THSD7A: variants seen among roughly 807,000 people sequenced by gnomAD.
THSD7A encodes the protein thrombospondin type-1 domain-containing protein 7A.
THSD7A carries 96 observed loss-of-function variants against 231.3 expected under a neutral mutation model. The ratio of observed to expected loss-of-function variants is 0.41; its 90% CI spans 0.35 to 0.49. THSD7A has a LOEUF of 0.49. Among genes scored for constraint, THSD7A ranks in the 20% least tolerant of loss-of-function variants. The probability of loss-of-function intolerance (pLI) is 0.05; values close to 1 mark genes in which losing one functional copy is unlikely to be tolerated. For synonymous variants in THSD7A, 940 were observed against 743.3 expected, an observed-to-expected ratio of 1.26 and a Z score of -4.30; for missense variants, 2,290 against 2,070.2, an observed-to-expected ratio of 1.11 and a Z score of -2.06.
intron 6 of THSD7A, among the ~76,000 whole-genome samples, chr7:11,503,511 G>T (rs1346376280): frequency 6.6e-6 from 1 of 150,988 alleles, no homozygotes; most frequent in Non-Finnish European, 1.5e-5. Context: ...TATCAGCAGA[G>T]TAAACAAAAA....
rs558069225 is a variant in THSD7A, at chr7:11,700,526, T to A, written c.191-63565A>T. On this transcript the variant is annotated intron_variant, in intron 1 of 27. Transcript: ENST00000423059. ...TCCAGTGAAAAAAATACTTAATATA[T>A]AACAAAATGACAGGATCTTTACATG... 7.9e-5 allele frequency among the ~76,000 whole-genome samples: 12 copies of A among 151,338 alleles called. No individual in the cohort carries two copies. The South Asian group carries it at 2.3e-3, about 29-fold the overall frequency.
At chr7:11,426,736 T>G in intron 14 of THSD7A, 65 bp from the exon 15 acceptor site, 1 of 1,482,838 alleles carries the variant, frequency 6.7e-7, no homozygotes, top group Non-Finnish European at 9.0e-7. Context: ...AATGTCAGTA[T>G]GCTATGAGAA....
chr7:11,642,843 G>T (rs970119848), intron 1 of THSD7A, among the ~76,000 whole-genome samples: 1 of 151,924 alleles, frequency 6.6e-6, no homozygotes, highest in Non-Finnish European at 1.5e-5. Flanking sequence ...CTATCCTCTT[G>T]ATATCGTTCA....
In THSD7A at chr7:11,426,737, G is replaced by A. The variant is rs77840993; in HGVS notation, c.3244-66C>T. ...ATAAGGTAGGTGAAAATGTCAGTAT[G>A]CTATGAGAAGAACACATGGTAAGTT... On this transcript the variant is annotated intron_variant, in intron 14 of 27. Transcript: ENST00000423059. The A allele has an allele frequency of 1.8e-3, 2,663 of 1,470,730 alleles. 72 individuals are homozygous for A. The East Asian group carries it at 0.054, about 30-fold the overall frequency. The allele number at this position is 1,470,730 out of a possible 1,614,324, so 91.1% of individuals were successfully genotyped here. A position where few individuals can be genotyped will look rare whatever the true frequency, so the allele number is the denominator to read the frequency against.
chr7:11,723,731 T>C (rs777167210), intron 1 of THSD7A, among the ~76,000 whole-genome samples: 8 of 151,854 alleles, frequency 5.3e-5, no homozygotes, highest in Non-Finnish European at 8.8e-5. Context: ...ATAGAGGAAA[T>C]AGCAAGTTCA....
rs1227041855 is a variant in THSD7A, at chr7:11,769,153, A to ATTTTTTTTTTTTTTTT, written c.190+62603_190+62604insAAAAAAAAAAAAAAAA. ...TATATATATATATATATATATATAT[A>ATTTTTTTTTTTTTTTT]TTTTTTTTTTTTTTTGGTATTTTTG... On this transcript the variant is annotated intron_variant, in intron 1 of 27. Coordinates refer to ENST00000423059, the MANE Select transcript of THSD7A (RefSeq NM_015204.3). Among the ~76,000 whole-genome samples, 60 of 27,640 alleles carry ATTTTTTTTTTTTTTTT rather than the reference A, an allele frequency of 2.2e-3. 4 individuals carry two copies. The highest frequency in any genetic ancestry group is 2.9e-3 in the Non-Finnish European group (41 of 14,376). 18.1% of individuals were successfully genotyped at this position (27,640 alleles called of 152,430 possible).
intron 1 of THSD7A, among the ~76,000 whole-genome samples, chr7:11,773,033 T>A (rs1000438432): frequency 2.0e-5 from 3 of 152,070 alleles, no homozygotes; most frequent in Non-Finnish European, 4.4e-5. Context: ...ATAATATTAA[T>A]GAAATAGAAT....
intron 16 of THSD7A, among the ~76,000 whole-genome samples, chr7:11,419,888 C>A (rs531267559): frequency 6.6e-6 from 1 of 152,252 alleles, no homozygotes; most frequent in African/African-American, 2.4e-5. Flanking sequence ...TGGCATTGTG[C>A]CCCTGCTCTA....
chr7:11,583,624 T>G (rs2128338495), intron 4 of THSD7A, among the ~76,000 whole-genome samples: 1 of 152,252 alleles, frequency 6.6e-6, no homozygotes, highest in Admixed American at 6.5e-5. Flanking sequence ...GAGTCTAATC[T>G]TACTGCTTGT....
At chr7:11,572,262 A>G (rs1356135495) in intron 4 of THSD7A, among the ~76,000 whole-genome samples, 3 of 152,116 alleles carry the variant, frequency 2.0e-5, no homozygotes, top group Admixed American at 6.5e-5. Flanking sequence ...ATCTATTTCT[A>G]TTGATTTGTC....
chr7:11,514,850 A>G (rs1325328929), intron 6 of THSD7A, among the ~76,000 whole-genome samples: 3 of 152,172 alleles, frequency 2.0e-5, no homozygotes, highest in Non-Finnish European at 4.4e-5. Context: ...GAAACATTTT[A>G]CTATGACTGC....
chr7:11,718,014 C>T (rs932015179), intron 1 of THSD7A, among the ~76,000 whole-genome samples: 1 of 151,584 alleles, frequency 6.6e-6, no homozygotes, highest in Non-Finnish European at 1.5e-5. Context: ...AAACTAATCT[C>T]TATGCACAAA....
chr7:11,704,380 G>A (rs898660277), intron 1 of THSD7A, among the ~76,000 whole-genome samples: 3 of 150,906 alleles, frequency 2.0e-5, no homozygotes, highest in Admixed American at 6.6e-5. Flanking sequence ...GAATTATAAT[G>A]TTTTCTTCCT....
At chr7:11,688,244 T>C (rs1780122034) in intron 1 of THSD7A, among the ~76,000 whole-genome samples, 2 of 151,820 alleles carry the variant, frequency 1.3e-5, no homozygotes, top group Admixed American at 6.6e-5. Flanking sequence ...ACTCATCATT[T>C]TTTATGGCTG....
intron 13 of THSD7A, among the ~76,000 whole-genome samples, chr7:11,437,237 C>T (rs1784661909): frequency 6.6e-6 from 1 of 152,066 alleles, no homozygotes; most frequent in Non-Finnish European, 1.5e-5. Context: ...GATGCTCTTC[C>T]ATCACACCAG....
chr7:11,687,114 T>A (rs1415344311), intron 1 of THSD7A, among the ~76,000 whole-genome samples: 1 of 151,920 alleles, frequency 6.6e-6, no homozygotes, highest in African/African-American at 2.4e-5. Context: ...ATTATAGCTT[T>A]GACTACTGAG....
intron 13 of THSD7A, among the ~76,000 whole-genome samples, chr7:11,435,692 G>A (rs537643272): frequency 1.3e-5 from 2 of 151,736 alleles, no homozygotes; most frequent in South Asian, 2.1e-4. Flanking sequence ...TTTCGAGCTG[G>A]TTCTGATTTG....
intron 4 of THSD7A, among the ~76,000 whole-genome samples, chr7:11,571,660 G>T (rs954365419): frequency 6.6e-6 from 1 of 152,180 alleles, no homozygotes; most frequent in East Asian, 1.9e-4. Context: ...ATGTCCGTTT[G>T]TCATGCTCAC....
chr7:11,723,845 G>C (rs1219989613), intron 1 of THSD7A, among the ~76,000 whole-genome samples: 3 of 151,906 alleles, frequency 2.0e-5, no homozygotes, highest in Non-Finnish European at 4.4e-5. Flanking sequence ...AATTCAGATA[G>C]TAAGTAACTG....
Sources: allele counts gnomAD v4.1 joint callset (sites outside exome capture counted in the v4.1 genomes callset), GRCh38; gene constraint gnomAD v4.1.1; transcripts MANE v1.5; gene names NCBI Gene and HGNC (gene_info 2026-07-23, HGNC 2026-07-21).